The following BMPR1B variants were observed in gnomAD, a reference collection of about 807,000 sequenced individuals.
BMPR1B encodes the protein bone morphogenetic protein receptor type 1B, also known as bone morphogenetic protein receptor type-1B.
A neutral mutation model predicts 59.1 loss-of-function variants in BMPR1B; 12 were observed. The ratio of observed to expected loss-of-function variants is 0.20; its 90% confidence interval spans 0.13 to 0.33. BMPR1B has a LOEUF of 0.33. BMPR1B is among the 10% of genes least tolerant of loss of function. The pLI, the probability that BMPR1B is intolerant of heterozygous loss-of-function variation, is 1.00. For missense variants in BMPR1B, 550 were observed against 610.9 expected, an observed-to-expected ratio of 0.90 and a Z score of 1.05; for synonymous variants, 237 against 207.3, an observed-to-expected ratio of 1.14 and a Z score of -1.23.
chr4:95,049,680 A>AT lies in BMPR1B; in HGVS notation c.-18+53547dup, dbSNP rs550928745. Among the ~76,000 whole-genome samples, 95 of 151,748 alleles carry AT rather than the reference A, an allele frequency of 6.3e-4. 1 individual carries two copies. The highest frequency in any genetic ancestry group is 3.3e-3 in the South Asian group (16 of 4,806). ...TTCCTCTCAACTTCTGTATTGCTGTATAAGTTCAATTCGTCTTTCAGCATC... is the reference window on the plus strand; with the variant it reads ...TTCCTCTCAACTTCTGTATTGCTGTATTAAGTTCAATTCGTCTTTCAGCATC... On this transcript the variant is annotated intron_variant, in intron 3 of 12. Transcript: ENST00000515059.
intron 1 of BMPR1B, among the ~76,000 whole-genome samples, chr4:94,859,068 G>C (rs1725879719): frequency 6.6e-6 from 1 of 152,074 alleles, no homozygotes; most frequent in African/African-American, 2.4e-5. Flanking sequence ...TACACTATCA[G>C]AGGCAGATCT....
intron 1 of BMPR1B, among the ~76,000 whole-genome samples, chr4:94,798,864 C>T (rs1291411840): frequency 6.6e-6 from 1 of 151,790 alleles, no homozygotes; most frequent in Non-Finnish European, 1.5e-5. Context: ...CAAGCAGGTT[C>T]ATTAGTCTTA....
At chr4:95,110,835 C>T (rs550322674) in intron 4 of BMPR1B, among the ~76,000 whole-genome samples, 1 of 152,288 alleles carries the variant, frequency 6.6e-6, no homozygotes, top group African/African-American at 2.4e-5. Context: ...GTAAAACATA[C>T]CACTGTTAAC....
At chr4:94,823,058 A>G (rs920687998) in intron 1 of BMPR1B, among the ~76,000 whole-genome samples, 4 of 152,136 alleles carry the variant, frequency 2.6e-5, no homozygotes, top group African/African-American at 9.7e-5. Flanking sequence ...ATGCTTGGCA[A>G]ACATTTCCAC....
chr4:95,104,371 C>T (rs1390830275), intron 3 of BMPR1B, 37 bp from the exon 4 acceptor site: 3 of 1,608,582 alleles, frequency 1.9e-6, no homozygotes, highest in South Asian at 2.2e-5. Context: ...GGTAGTCTAC[C>T]CCACAGATGC....
intron 2 of BMPR1B, among the ~76,000 whole-genome samples, chr4:94,985,228 T>TA (rs1483730667): frequency 1.3e-5 from 2 of 152,132 alleles, no homozygotes; most frequent in East Asian, 3.9e-4. Flanking sequence ...CTAGTAGCAA[T>TA]ATAGAAGATT....
At chr4:94,978,687 C>T (rs1459343578) in intron 2 of BMPR1B, among the ~76,000 whole-genome samples, 2 of 152,100 alleles carry the variant, frequency 1.3e-5, no homozygotes, top group Admixed American at 1.3e-4. Context: ...GAACTTAGAA[C>T]CCACCTCTCA....
intron 3 of BMPR1B, among the ~76,000 whole-genome samples, chr4:95,085,640 G>A (rs562066907): frequency 8.8e-4 from 134 of 152,260 alleles, no homozygotes; most frequent in African/African-American, 3.1e-3. Context: ...CGCTTGTGAG[G>A]AGGAAAGTAA....
At position 94,839,308 on chromosome 4, in the gene BMPR1B, G is replaced by A. The variant is rs1233473720; in HGVS notation, c.-182-36523G>A. Among the ~76,000 whole-genome samples the A allele has an allele frequency of 2.2e-4, 30 of 139,436 alleles. 2 individuals carry two copies. Among genetic ancestry groups the A allele is most frequent in the African/African-American group, 6.5e-4 (24 of 37,174 alleles). 91.5% of individuals were successfully genotyped at this position (139,436 alleles called of 152,430 possible). A position where few individuals can be genotyped will look rare whatever the true frequency, so the allele number is the denominator to read the frequency against. The stretch of plus-strand genomic sequence containing the variant: ...GTGCAGAGCTGAGTTCAATTCCTGG[G>A]TATCCTTGTTGACTTTCTGTCTCGT... On this transcript the variant is annotated intron_variant, in intron 1 of 12. Transcript: ENST00000515059.
chr4:94,915,987 T>C (rs1728468929), intron 2 of BMPR1B, among the ~76,000 whole-genome samples: 1 of 152,158 alleles, frequency 6.6e-6, no homozygotes, highest in African/African-American at 2.4e-5. Flanking sequence ...CCACGTGACA[T>C]GCTTGCTCCC....
chr4:94,774,126 C>A (rs1722283519), intron 1 of BMPR1B, among the ~76,000 whole-genome samples: 1 of 151,888 alleles, frequency 6.6e-6, no homozygotes. Context: ...TAACCCATAC[C>A]AAATTTTTAA....
intron 1 of BMPR1B, among the ~76,000 whole-genome samples, chr4:94,758,621 C>T (rs781208133): frequency 7.9e-5 from 12 of 152,072 alleles, no homozygotes; most frequent in Non-Finnish European, 1.8e-4. Context: ...GGGGAAAGTG[C>T]GCAGCGGGCT....
intron 1 of BMPR1B, among the ~76,000 whole-genome samples, chr4:94,780,766 G>A (rs1471830065): frequency 1.4e-5 from 2 of 138,186 alleles, no homozygotes; most frequent in African/African-American, 2.7e-5. Context: ...TCAGCTCACT[G>A]CAAGCTCCGC....
chr4:95,090,795 A>G (rs781215717), intron 3 of BMPR1B, among the ~76,000 whole-genome samples: 15 of 152,206 alleles, frequency 9.9e-5, no homozygotes, highest in Admixed American at 2.0e-4. Context: ...TGTTTTAACC[A>G]TATATGATGA....
chr4:95,092,343 A>G (rs562125749), intron 3 of BMPR1B, among the ~76,000 whole-genome samples: 5 of 152,106 alleles, frequency 3.3e-5, no homozygotes, highest in African/African-American at 7.2e-5. Flanking sequence ...CGCACAACAG[A>G]TAAGTGTAAA....
At chr4:95,141,042 G>C (rs1438248455) in intron 10 of BMPR1B, among the ~76,000 whole-genome samples, 2 of 152,206 alleles carry the variant, frequency 1.3e-5, no homozygotes, top group Admixed American at 6.5e-5. Context: ...TGATGGCTCA[G>C]ATGTTGGCTG....
At chr4:94,976,953 T>C (rs1219358813) in intron 2 of BMPR1B, among the ~76,000 whole-genome samples, 1 of 152,206 alleles carries the variant, frequency 6.6e-6, no homozygotes, top group Non-Finnish European at 1.5e-5. Context: ...GACCTGTATT[T>C]GTAGCTGATA....
At chr4:94,962,005 A>G (rs1449913388) in intron 2 of BMPR1B, among the ~76,000 whole-genome samples, 1 of 151,508 alleles carries the variant, frequency 6.6e-6, no homozygotes, top group Non-Finnish European at 1.5e-5. Flanking sequence ...AACTATAGTC[A>G]CCTTATTGTG....
chr4:95,127,458 T>C (rs1371680163), intron 8 of BMPR1B, among the ~76,000 whole-genome samples: 2 of 152,172 alleles, frequency 1.3e-5, no homozygotes, highest in Non-Finnish European at 2.9e-5. Flanking sequence ...TTATAAAATG[T>C]ATTATCGTTA....
Sources: allele counts gnomAD v4.1 joint callset (sites outside exome capture counted in the v4.1 genomes callset), GRCh38; gene constraint gnomAD v4.1.1; transcripts MANE v1.5; gene names NCBI Gene and HGNC (gene_info 2026-07-23, HGNC 2026-07-21).